ARNT2: variants seen among roughly 807,000 people sequenced by gnomAD.
ARNT2 encodes aryl hydrocarbon receptor nuclear translocator 2, also known as ARNT protein 2.
Under a neutral mutation model 91.7 loss-of-function variants are expected in ARNT2, and 36 were observed. The ratio of observed to expected loss-of-function variants is 0.39; its 90% confidence interval spans 0.30 to 0.52. The LOEUF is 0.52. Among genes scored for constraint, ARNT2 ranks in the 20% least tolerant of loss-of-function variants. ARNT2 has a pLI of 0.72. For synonymous variants in ARNT2, 365 were observed against 347.1 expected (o/e 1.05, Z -0.57); for missense variants, 775 against 939.3 (o/e 0.83, Z 2.29).
chr15:80,521,886 T>G (rs888434936), intron 8 of ARNT2, among the ~76,000 whole-genome samples: 2 of 152,100 alleles, frequency 1.3e-5, no homozygotes, highest in Non-Finnish European at 2.9e-5. Context: ...ATGATCCAAG[T>G]CCTATCTCTG....
chr15:80,420,740 A>G (rs1015086739), intron 1 of ARNT2, among the ~76,000 whole-genome samples: 5 of 152,122 alleles, frequency 3.3e-5, no homozygotes, highest in African/African-American at 9.7e-5. Context: ...GTTCATTCCA[A>G]TAAAAGTGGC....
chr15:80,546,836 G>A (rs1029716804), intron 8 of ARNT2, among the ~76,000 whole-genome samples: 10 of 151,910 alleles, frequency 6.6e-5, no homozygotes, highest in East Asian at 1.9e-4. Context: ...GGTGGCAGGC[G>A]CCTGTAATCC....
chr15:80,507,025 A>G (rs1237464214), intron 5 of ARNT2, among the ~76,000 whole-genome samples: 8 of 152,214 alleles, frequency 5.3e-5, no homozygotes, highest in Non-Finnish European at 1.0e-4. Flanking sequence ...TACAGTGGGT[A>G]CAGTGGGCTG....
chr15:80,450,675 T>C (rs1896375005), intron 1 of ARNT2, among the ~76,000 whole-genome samples: 1 of 152,240 alleles, frequency 6.6e-6, no homozygotes, highest in African/African-American at 2.4e-5. Flanking sequence ...TCAGTAAATA[T>C]GAGAGTACTG....
chr15:80,408,360 A>G (rs1163213195), intron 1 of ARNT2, among the ~76,000 whole-genome samples: 1 of 152,228 alleles, frequency 6.6e-6, no homozygotes, highest in Admixed American at 6.5e-5. Context: ...AACGTTGACT[A>G]GGCATGTTCA....
intron 1 of ARNT2, among the ~76,000 whole-genome samples, chr15:80,421,803 C>A (rs1052287104): frequency 1.3e-5 from 2 of 152,198 alleles, no homozygotes; most frequent in African/African-American, 4.8e-5. Flanking sequence ...CTCTGATCTT[C>A]TTTTAATTGT....
chr15:80,593,547 G>T, intron 18 of ARNT2, 53 bp from the exon 19 acceptor site: 2 of 1,430,300 alleles, frequency 1.4e-6, no homozygotes, highest in Non-Finnish European at 1.9e-6. Flanking sequence ...CATGCCCAGT[G>T]CACGGACAGA....
intron 18 of ARNT2, among the ~76,000 whole-genome samples, chr15:80,592,820 T>C (rs141473969): frequency 1.2e-3 from 177 of 152,372 alleles, no homozygotes; most frequent in African/African-American, 4.1e-3. Flanking sequence ...ATGGTCACGA[T>C]GCTAAAAAGA....
At chr15:80,489,001 AT>A (rs1897016779) in intron 5 of ARNT2, among the ~76,000 whole-genome samples, 2 of 152,246 alleles carry the variant, frequency 1.3e-5, no homozygotes, top group East Asian at 1.9e-4. Flanking sequence ...TAGAAGTAGT[AT>A]TTTTTTAGGC....
At chr15:80,562,956 C>T (rs1596015900) in intron 11 of ARNT2, 132 bp from the exon 12 acceptor site, 1 of 989,242 alleles carries the variant, frequency 1.0e-6, no homozygotes, top group East Asian at 2.4e-5. Context: ...CTCTTACTGT[C>T]TTTTAGCCAC....
In ARNT2 at chr15:80,450,919, T is replaced by C. The variant is rs1339609377; in HGVS notation, c.71T>C (p.Val24Ala). 1 of 1,614,126 alleles carries C rather than the reference T, an allele frequency of 6.2e-7. No homozygotes were observed. The highest frequency in any genetic ancestry group is 1.7e-5 in the Admixed American group (1 of 60,010). ...ATACCTGGATCTGTGACGTTGCCCG[T>C]TGCCCCCATGGCGGCCACCGGACAG... The part of the protein sequence containing the change: ...SDIPGSVTLP[V>A]APMAATGQVR... Residue 24 changes from valine (V) to alanine (A), a missense_variant, in exon 2 of 19, where the codon GTT becomes GCT. Val to Ala is a moderately conservative substitution (Grantham distance 64). This residue lies in a region of ARNT2 where 79 missense variants were observed against 83.8 expected (regional missense o/e 0.94). Coordinates refer to ENST00000303329, the MANE Select transcript of ARNT2 (RefSeq NM_014862.4).
At chr15:80,540,049 A>G (rs1435642709) in intron 8 of ARNT2, among the ~76,000 whole-genome samples, 1 of 152,134 alleles carries the variant, frequency 6.6e-6, no homozygotes. Context: ...ATTTATCCGA[A>G]GGAAAAGAAA....
chr15:80,502,923 G>C (rs1471478758), intron 5 of ARNT2, among the ~76,000 whole-genome samples: 1 of 152,172 alleles, frequency 6.6e-6, no homozygotes, highest in Non-Finnish European at 1.5e-5. Flanking sequence ...GGCATCATGG[G>C]ACCAGCCCAG....
At position 80,523,432 on chromosome 15, in the gene ARNT2, C is replaced by G. The variant is rs561477726; in HGVS notation, c.877+9027C>G. On this transcript the variant is annotated intron_variant, in intron 8 of 18. Transcript: ENST00000303329. ...GCCTTGTGGGGGCAGAGGAAGGGTC[C>G]CTAACCTGCCTGGGGTTAGGACAGG... Among the ~76,000 whole-genome samples, 26 of 152,182 alleles carry G rather than the reference C, an allele frequency of 1.7e-4. No individual in the cohort carries two copies. In the South Asian group the frequency reaches 5.4e-3, roughly 32 times the overall value.
chr15:80,499,307 G>A (rs1344997508), intron 5 of ARNT2, among the ~76,000 whole-genome samples: 2 of 152,156 alleles, frequency 1.3e-5, no homozygotes, highest in Non-Finnish European at 2.9e-5. Flanking sequence ...CTAGGGCTGT[G>A]TAGATAAAAT....
intron 8 of ARNT2, among the ~76,000 whole-genome samples, chr15:80,521,007 T>G (rs546814509): frequency 2.0e-5 from 3 of 152,212 alleles, no homozygotes; most frequent in Non-Finnish European, 4.4e-5. Flanking sequence ...ATTTACAAAA[T>G]ATAGTAATTC....
intron 5 of ARNT2, among the ~76,000 whole-genome samples, chr15:80,479,690 T>C (rs1896857427): frequency 6.6e-6 from 1 of 152,120 alleles, no homozygotes; most frequent in East Asian, 1.9e-4. Context: ...GGGGGACTGG[T>C]GAAAAACCCA....
chr15:80,513,260 G>T (rs74027807), intron 6 of ARNT2, among the ~76,000 whole-genome samples: 1,796 of 152,288 alleles, frequency 0.012, 39 homozygotes, highest in African/African-American at 0.042. Context: ...GGCAGGAAAG[G>T]TTGTCCCAGA....
At chr15:80,551,326 C>T (rs1172822167) in intron 9 of ARNT2, 51 bp downstream of exon 9, 1 of 1,526,384 alleles carries the variant, frequency 6.6e-7, no homozygotes. Context: ...CTTATTGCCA[C>T]AAAGTGCAGA....
Sources: allele counts gnomAD v4.1 joint callset (sites outside exome capture counted in the v4.1 genomes callset), GRCh38; gene constraint gnomAD v4.1.1; regional missense constraint gnomAD v4.1.1; transcripts MANE v1.5; gene names NCBI Gene and HGNC (gene_info 2026-07-23, HGNC 2026-07-21).